The following PRKAA1 variants were observed in gnomAD, a reference collection of about 807,000 sequenced individuals.
PRKAA1 encodes 5'-AMP-activated protein kinase catalytic subunit alpha-1.
A neutral mutation model predicts 56.9 loss-of-function variants in PRKAA1; 23 were observed. The ratio of observed to expected loss-of-function variants is 0.40; its 90% CI spans 0.29 to 0.57. The LOEUF (loss-of-function observed/expected upper bound fraction) is 0.57. PRKAA1 is among the 20% of genes least tolerant of loss of function. PRKAA1 has a pLI of 0.39. For synonymous variants in PRKAA1, 226 were observed against 227.0 expected (o/e 1.00, Z 0.04); for missense variants, 413 against 679.7 (o/e 0.61, Z 4.36).
chr5:40,764,705 T>C (rs766098011), intron 7 of PRKAA1, 47 bp downstream of exon 7: 6 of 1,604,550 alleles, frequency 3.7e-6, no homozygotes, highest in Non-Finnish European at 5.1e-6. Flanking sequence ...TTATAGACTA[T>C]GGGTTTGCCA....
chr5:40,781,609 G>A (rs1009349148), intron 1 of PRKAA1, among the ~76,000 whole-genome samples: 3 of 151,820 alleles, frequency 2.0e-5, no homozygotes, highest in African/African-American at 4.8e-5. Flanking sequence ...TTAAGCTTTA[G>A]GTAAAAAAAT....
At chr5:40,771,229 G>C (rs561266292) in intron 4 of PRKAA1, among the ~76,000 whole-genome samples, 1 of 152,308 alleles carries the variant, frequency 6.6e-6, no homozygotes, top group South Asian at 2.1e-4. Flanking sequence ...TAAAGAGCCA[G>C]GTGCAGTGGT....
intron 1 of PRKAA1, among the ~76,000 whole-genome samples, chr5:40,780,275 T>G (rs1229101530): frequency 6.6e-6 from 1 of 152,180 alleles, no homozygotes; most frequent in Non-Finnish European, 1.5e-5. Context: ...TTAAGTAGCC[T>G]GGTATACTTA....
intron 1 of PRKAA1, among the ~76,000 whole-genome samples, chr5:40,784,383 C>T (rs758869459): frequency 1.6e-4 from 24 of 152,160 alleles, no homozygotes; most frequent in Non-Finnish European, 2.6e-4. Flanking sequence ...ACCACTCCTA[C>T]CCCACCACCA....
intron 5 of PRKAA1, chr5:40,768,803 A>T: frequency 6.9e-7 from 1 of 1,459,636 alleles, no homozygotes; most frequent in Admixed American, 2.7e-5. Context: ...TGAAGGACAA[A>T]GAGTTATTCT....
Position 40,759,959 on chromosome 5 carries a change from A to T in PRKAA1, c.*2819T>A, listed in dbSNP as rs1007266430. On this transcript the variant is annotated 3_prime_UTR_variant, in exon 9 of 9. Coordinates refer to ENST00000397128, the MANE Select transcript of PRKAA1 (RefSeq NM_006251.6). ...TTTATTTTAATGGCAAAATTTTTAC[A>T]TATCAGTAAAATCTGTTATACTTAA... is the stretch of plus-strand genomic sequence containing the variant. 6.5e-6 allele frequency: 1 copy of T among 152,772 alleles called. No individual in the cohort carries two copies. The highest frequency in any genetic ancestry group is 1.5e-5 in the Non-Finnish European group (1 of 68,038). 9.5% of individuals were successfully genotyped at this position (152,772 alleles called of 1,614,324 possible).
chr5:40,798,037 C>G lies in PRKAA1; in HGVS notation c.127+26G>C, dbSNP rs755606327. ...AGTCGTGCGGCTCCTCAGCTGGGGCCAAGCCTAGTCCCGCGGGGTTCTCAC... is the reference window on the plus strand; with the variant it reads ...AGTCGTGCGGCTCCTCAGCTGGGGCGAAGCCTAGTCCCGCGGGGTTCTCAC... On this transcript the variant is annotated intron_variant, in intron 1 of 8. Coordinates refer to ENST00000397128, the MANE Select transcript of PRKAA1 (RefSeq NM_006251.6). 5.6e-6 allele frequency: 9 copies of G among 1,603,816 alleles called. No homozygotes were observed. In the South Asian group the frequency reaches 7.7e-5, roughly 14 times the overall value.
rs1743240572 is a variant in PRKAA1 at position 40,762,567 on chromosome 5, C to G, written c.*211G>C. 1.0e-5 allele frequency: 6 copies of G among 583,464 alleles called. No individual in the cohort carries two copies. Among genetic ancestry groups the G allele is most frequent in the Non-Finnish European group, 1.7e-5 (6 of 343,644 alleles). 36.1% of individuals were successfully genotyped at this position (583,464 alleles called of 1,614,324 possible). A position where few individuals can be genotyped will look rare whatever the true frequency, so the allele number is the denominator to read the frequency against. ...TTCACTGTGTATATTATGCTATATA[C>G]ATACTGCACAATGAACAACAAAATG... is the stretch of plus-strand genomic sequence containing the variant. On this transcript the variant is annotated 3_prime_UTR_variant, in exon 9 of 9. Transcript: ENST00000397128.
At chr5:40,773,701 C>T (rs1243309659) in intron 3 of PRKAA1, among the ~76,000 whole-genome samples, 2 of 152,164 alleles carry the variant, frequency 1.3e-5, no homozygotes, top group Admixed American at 6.5e-5. Context: ...CATACAAAGC[C>T]TGGGAAGCCT....
At chr5:40,769,071 C>G (rs1431696204) in intron 5 of PRKAA1, 1 of 661,058 alleles carries the variant, frequency 1.5e-6, no homozygotes, top group African/African-American at 1.9e-5. Flanking sequence ...TAAAGCTACA[C>G]ATTACATGTT....
intron 1 of PRKAA1, among the ~76,000 whole-genome samples, chr5:40,789,228 A>T (rs575848128): frequency 2.8e-4 from 42 of 152,326 alleles, no homozygotes; most frequent in Non-Finnish European, 5.6e-4. Flanking sequence ...AAAATAAAAA[A>T]AAAGACAAAC....
At chr5:40,775,599 G>T (rs1743965131) in intron 2 of PRKAA1, 96 bp from the exon 3 acceptor site, 2 of 949,532 alleles carry the variant, frequency 2.1e-6, no homozygotes, top group Non-Finnish European at 3.2e-6. Context: ...CAGGTACTAG[G>T]CTAGGAGCTA....
At chr5:40,775,842 G>C (rs927794250) in intron 2 of PRKAA1, among the ~76,000 whole-genome samples, 3 of 152,120 alleles carry the variant, frequency 2.0e-5, no homozygotes, top group African/African-American at 7.2e-5. Flanking sequence ...TAATTATCTA[G>C]GAGGAAAGCG....
chr5:40,780,776 C>T (rs1322930111), intron 1 of PRKAA1, among the ~76,000 whole-genome samples: 2 of 152,140 alleles, frequency 1.3e-5, no homozygotes, highest in Non-Finnish European at 2.9e-5. Context: ...TTTCTCTGGG[C>T]CCCCAGCAGA....
chr5:40,774,790 G>C (rs1043366813), intron 3 of PRKAA1: 3 of 611,168 alleles, frequency 4.9e-6, no homozygotes, highest in Non-Finnish European at 8.4e-6. Context: ...AGGGGCTTTT[G>C]CATACCACAT....
chr5:40,797,983 G>A (rs917228520), intron 1 of PRKAA1, 80 bp downstream of exon 1: 11 of 1,564,556 alleles, frequency 7.0e-6, no homozygotes, highest in Middle Eastern at 4.6e-4. Context: ...GCAGCGGGCG[G>A]GGGAGGATGA....
chr5:40,783,139 C>T (rs947856966), intron 1 of PRKAA1, among the ~76,000 whole-genome samples: 9 of 152,022 alleles, frequency 5.9e-5, no homozygotes, highest in South Asian at 2.1e-4. Flanking sequence ...CTTTTTTAAT[C>T]TGTAGTTTTC....
chr5:40,762,971 G>A lies in PRKAA1; in HGVS notation c.1487C>T (p.Ser496Leu). The A allele has an allele frequency of 1.2e-6, 2 of 1,614,090 alleles. No homozygotes were observed. Among genetic ancestry groups the A allele is most frequent in the Admixed American group, 1.7e-5 (1 of 60,016 alleles). The change falls in exon 9 of 9, where the codon TCA (serine) becomes TTA (leucine). Residue 496 changes from serine to leucine, a missense_variant. Around this residue, in one of 9 missense-constraint regions of PRKAA1, gnomAD observed 139 missense variants for 171.5 expected, o/e 0.81. Transcript: ENST00000397128. Reference protein sequence around the residue: ...SGTATPQRSGSVSNYRSCQRS... With the variant: ...SGTATPQRSGLVSNYRSCQRS... ...TTGGCAAGATCGATAGTTGCTAACTGATCCCGATCTCTGTGGAGTAGCAGT... is the reference window on the plus strand; with the variant it reads ...TTGGCAAGATCGATAGTTGCTAACTAATCCCGATCTCTGTGGAGTAGCAGT...
chr5:40,777,358 A>G, intron 2 of PRKAA1, 87 bp downstream of exon 2: 1 of 1,396,198 alleles, frequency 7.2e-7, no homozygotes, highest in Non-Finnish European at 9.8e-7. Context: ...AAGAAGTGTC[A>G]GTCATTTTTC....
Sources: gnomAD v4.1 joint callset for allele counts (sites outside exome capture counted in the v4.1 genomes callset) on GRCh38, gnomAD v4.1.1 for gene constraint, gnomAD v4.1.1 regional missense constraint, MANE v1.5 for transcripts, NCBI Gene and HGNC (gene_info 2026-07-23, HGNC 2026-07-21) for gene names.